TAF9B: variants seen among roughly 807,000 people sequenced by gnomAD.
TAF9B encodes TATA-box binding protein associated factor 9b.
TAF9B carries 47 observed loss-of-function variants against 17.6 expected under a neutral mutation model. The ratio of observed to expected loss-of-function variants is 2.68; its 90% CI spans 2.12 to 3.41. The LOEUF (loss-of-function observed/expected upper bound fraction) is 3.41, where lower values mean the gene tolerates loss of function less well. Among genes scored for constraint, TAF9B ranks in the 30% most tolerant of loss-of-function variants. TAF9B has a pLI of 0.00. For synonymous variants in TAF9B, 84 were observed against 68.7 expected (o/e 1.22, Z -1.10); for missense variants, 218 against 189.3 (o/e 1.15, Z -0.89).
At chrX:78,133,499 A>C (rs1557249759) in intron 5 of TAF9B, 51 bp from the exon 6 acceptor site, 3 of 934,668 alleles carry the variant, frequency 3.2e-6, no homozygotes, top group Non-Finnish European at 4.6e-6. Flanking sequence ...ATACAGATTT[A>C]TATTCTACAC....
At chrX:78,132,213 C>T (rs1375923357) in intron 6 of TAF9B, among the ~76,000 whole-genome samples, 1 of 110,841 alleles carries the variant, frequency 9.0e-6, no homozygotes, top group African/African-American at 3.3e-5. Flanking sequence ...AGGCTGGTCT[C>T]GAACTCCTGG....
intron 1 of TAF9B, 34 bp downstream of exon 1, chrX:78,139,527 G>A (rs1202561335): frequency 2.5e-6 from 3 of 1,209,090 alleles, no homozygotes; most frequent in Non-Finnish European, 3.4e-6. Context: ...GCTGCACCTG[G>A]CTTCGCGATC....
rs781899334 is a variant in TAF9B at position 78,138,027 on chromosome X, C to G, written c.205G>C (p.Asp69His). The G allele has an allele frequency of 5.0e-6, 6 of 1,208,467 alleles. No homozygotes were observed. Among genetic ancestry groups the G allele is most frequent in the African/African-American group, 1.7e-5 (1 of 57,238 alleles). Reference sequence around the variant, plus strand: ...CACTGGATTGCCAGTCTCACATCATCTGCATCAACATTAGGTTTCTTAGCA... The same window carrying G: ...CACTGGATTGCCAGTCTCACATCATGTGCATCAACATTAGGTTTCTTAGCA... ...SHAKKPNVDADDVRLAIQCRA... is the reference protein window; with the variant it reads ...SHAKKPNVDAHDVRLAIQCRA... The change falls in exon 3 of 7, where the codon GAT becomes CAT. Residue 69 changes from aspartate to histidine, a missense_variant. Physicochemically the swap from Asp to His is moderately conservative, Grantham distance 81. Transcript: ENST00000341864.
chrX:78,130,135 C>G lies in TAF9B; in HGVS notation c.*1475G>C, dbSNP rs782006167. The G allele has an allele frequency of 8.9e-6, 1 of 112,269 alleles. No individual in the cohort carries two copies. Among genetic ancestry groups the G allele is most frequent in the East Asian group, 2.8e-4 (1 of 3,608 alleles). 9.3% of individuals were successfully genotyped at this position (112,269 alleles called of 1,213,427 possible). Reference sequence around the variant, plus strand: ...ATACTGAAAAACACTAAAACTGATACGAGACATTTGAGACATTTCTTCTCT... The same window carrying G: ...ATACTGAAAAACACTAAAACTGATAGGAGACATTTGAGACATTTCTTCTCT... On this transcript the variant is annotated 3_prime_UTR_variant, in exon 7 of 7. Coordinates refer to ENST00000341864, the MANE Select transcript of TAF9B (RefSeq NM_015975.5).
chrX:78,135,142 G>C (rs1327208052), intron 5 of TAF9B, among the ~76,000 whole-genome samples: 4 of 104,636 alleles, frequency 3.8e-5, no homozygotes, highest in African/African-American at 1.4e-4. Context: ...TAGTAGAGAC[G>C]GGGTTTCACC....
chrX:78,133,560 G>A, intron 5 of TAF9B, 112 bp from the exon 6 acceptor site: 3 of 539,889 alleles, frequency 5.6e-6, no homozygotes, highest in Non-Finnish European at 9.3e-6. Flanking sequence ...TAAAAGGTGA[G>A]GAAAAAGTCA....
At chrX:78,138,965 C>T in intron 1 of TAF9B, 41 bp from the exon 2 acceptor site, 1 of 1,032,418 alleles carries the variant, frequency 9.7e-7, no homozygotes, top group Non-Finnish European at 1.4e-6. Context: ...GAATTTGGTA[C>T]TGGAAATCAA....
In TAF9B at chrX:78,133,467, G is replaced by A; in HGVS notation, c.482-19C>T. ...GGGGTTGCTGTAGTTACAATAAACA[G>A]ACCATGTTTGTTAGGTGACTTATAC... On this transcript the variant is annotated intron_variant, in intron 5 of 6. Coordinates refer to ENST00000341864, the MANE Select transcript of TAF9B (RefSeq NM_015975.5). 1.8e-6 allele frequency: 2 copies of A among 1,115,528 alleles called. No individual in the cohort carries two copies. Among genetic ancestry groups the A allele is most frequent in the Non-Finnish European group, 2.5e-6 (2 of 808,351 alleles). The allele number at this position is 1,115,528 out of a possible 1,213,427, so 91.9% of individuals were successfully genotyped here.
chrX:78,137,406 A>G (rs1291541831), intron 4 of TAF9B, among the ~76,000 whole-genome samples: 1 of 111,541 alleles, frequency 9.0e-6, no homozygotes, highest in East Asian at 2.8e-4. Flanking sequence ...TATTTTAGAA[A>G]GCTGGCCTAA....
chrX:78,137,031 C>T (rs782365988), intron 4 of TAF9B, 41 bp from the exon 5 acceptor site: 2 of 932,669 alleles, frequency 2.1e-6, no homozygotes, highest in Non-Finnish European at 3.1e-6. Flanking sequence ...AGATGTGACA[C>T]CTAAATTTAC....
chrX:78,137,981 G>A lies in TAF9B; in HGVS notation c.251C>T (p.Thr84Ile), dbSNP rs1214359021. 2 of 1,207,362 alleles carry A rather than the reference G, an allele frequency of 1.7e-6. No homozygotes were observed. Among genetic ancestry groups the A allele is most frequent in the Admixed American group, 2.2e-5 (1 of 45,254 alleles). The change falls in exon 3 of 7, where the codon ACC becomes ATC. Residue 84 changes from threonine to isoleucine, a missense_variant. Coordinates refer to ENST00000341864, the MANE Select transcript of TAF9B (RefSeq NM_015975.5). ...GCTCACATCTCTTGGGGGAGGAGAG[G>A]TAAAAGATTGGTCAGCACGACACTG... ...AIQCRADQSF[T>I]SPPPRDFLLD...
intron 6 of TAF9B, among the ~76,000 whole-genome samples, chrX:78,132,606 C>A (rs2149140295): frequency 1.1e-5 from 1 of 90,809 alleles, no homozygotes; most frequent in African/African-American, 4.8e-5. Flanking sequence ...ATTCTTATTC[C>A]AATCTGTGTG....
chrX:78,131,806 A>C, intron 6 of TAF9B, 33 bp from the exon 7 acceptor site: 4 of 1,172,010 alleles, frequency 3.4e-6, no homozygotes, highest in Non-Finnish European at 4.6e-6. Context: ...CCCCAAAACC[A>C]AGCTATGAAT....
rs1347794630 is a variant in TAF9B, at chrX:78,139,462, G to A, written c.51+99C>T. On this transcript the variant is annotated intron_variant, in intron 1 of 6. Transcript: ENST00000341864. ...CTGACGGCCCTGACTAGACTGAAAC[G>A]AGCGTGCGAGCCGACCCTCAGGCCC... is the stretch of plus-strand genomic sequence containing the variant. 1.5e-5 allele frequency: 17 copies of A among 1,126,103 alleles called. No homozygotes were observed. The South Asian group carries it at 2.0e-4, about 13-fold the overall frequency. 92.8% of individuals were successfully genotyped at this position (1,126,103 alleles called of 1,213,427 possible).
chrX:78,138,784 A>G, intron 2 of TAF9B, 59 bp downstream of exon 2: 2 of 908,956 alleles, frequency 2.2e-6, no homozygotes, highest in Middle Eastern at 5.4e-4. Flanking sequence ...TGTTCTTACA[A>G]TAAAAATATC....
chrX:78,137,968 T>TGG lies in TAF9B; in HGVS notation c.262_263dup (p.Arg89GlnfsTer19). ...CAAATCAAAGTTTGCTCACATCTCT[T>TGG]GGGGGAGGAGAGGTAAAAGATTGGT... is the stretch of plus-strand genomic sequence containing the variant. On this transcript the variant is annotated frameshift_variant, in exon 3 of 7. Coordinates refer to ENST00000341864, the MANE Select transcript of TAF9B (RefSeq NM_015975.5). LOFTEE classifies it high-confidence loss of function. The TGG allele has an allele frequency of 1.7e-6, 2 of 1,208,038 alleles. No individual in the cohort carries two copies. Among genetic ancestry groups the TGG allele is most frequent in the Non-Finnish European group, 2.2e-6 (2 of 894,362 alleles).
chrX:78,132,166 G>A (rs1330821450), intron 6 of TAF9B, among the ~76,000 whole-genome samples: 1 of 110,542 alleles, frequency 9.0e-6, no homozygotes, highest in Non-Finnish European at 1.9e-5. Flanking sequence ...GCTAATTTTT[G>A]TATTTTCAGT....
intron 5 of TAF9B, among the ~76,000 whole-genome samples, chrX:78,135,414 T>C (rs1270610421): frequency 1.0e-5 from 1 of 98,032 alleles, no homozygotes; most frequent in Non-Finnish European, 2.0e-5. Context: ...CCGTCTTTAC[T>C]GAAAAAAAAA....
rs782700437 is a variant in TAF9B at position 78,139,612 on chromosome X, G to T, written c.-1C>A. 8.3e-6 allele frequency: 10 copies of T among 1,211,799 alleles called. No homozygotes were observed. In the East Asian group the frequency reaches 3.0e-4, roughly 36 times the overall value. ...GAGGCGCCATCTTGCCCGACTCCAT[G>T]TTATCCAGCCACTCGTCATCCGCGG... is the stretch of plus-strand genomic sequence containing the variant. On this transcript the variant is annotated 5_prime_UTR_variant, in exon 1 of 7. Transcript: ENST00000341864.
Sources: allele counts gnomAD v4.1 joint callset (sites outside exome capture counted in the v4.1 genomes callset), GRCh38; gene constraint gnomAD v4.1.1; transcripts MANE v1.5; gene names NCBI Gene and HGNC (gene_info 2026-07-23, HGNC 2026-07-21).